TAFA2: variants seen among roughly 807,000 people sequenced by gnomAD.
TAFA2 encodes chemokine-like protein TAFA-2.
TAFA2 carries 7 observed loss-of-function variants against 18.8 expected under a neutral mutation model. The observed-to-expected ratio is 0.37, with a 90% CI of 0.21 to 0.70. TAFA2 has a LOEUF of 0.70. Among genes scored for constraint, TAFA2 ranks in the 30% least tolerant of loss-of-function variants. TAFA2 has a pLI of 0.53. For synonymous variants in TAFA2, 60 were observed against 54.2 expected (o/e 1.11, Z -0.47); for missense variants, 122 against 158.1 (o/e 0.77, Z 1.23).
At chr12:61,928,356 G>T (rs1490926048) in intron 1 of TAFA2, among the ~76,000 whole-genome samples, 1 of 152,152 alleles carries the variant, frequency 6.6e-6, no homozygotes, top group African/African-American at 2.4e-5. Flanking sequence ...GTGGGCAAAA[G>T]ATATGAGCAG....
chr12:61,817,682 C>G (rs1872141500), intron 2 of TAFA2, among the ~76,000 whole-genome samples: 1 of 152,132 alleles, frequency 6.6e-6, no homozygotes, highest in African/African-American at 2.4e-5. Context: ...AATTCTGATG[C>G]AGATTAGTGC....
At chr12:61,937,223 T>C (rs559106042) in intron 1 of TAFA2, among the ~76,000 whole-genome samples, 28 of 152,254 alleles carry the variant, frequency 1.8e-4, no homozygotes, top group African/African-American at 6.7e-4. Context: ...AAAATGACCA[T>C]ACTGTTCAAA....
At chr12:62,165,146 A>C (rs1256204356) in intron 1 of TAFA2, among the ~76,000 whole-genome samples, 1 of 152,132 alleles carries the variant, frequency 6.6e-6, no homozygotes, top group African/African-American at 2.4e-5. Context: ...AAACCTTCTC[A>C]GTGGCTATTC....
chr12:62,113,288 C>T lies in TAFA2; in HGVS notation c.-2+77971G>A, dbSNP rs567470579. On this transcript the variant is annotated intron_variant, in intron 1 of 4. Transcript: ENST00000416284. ...TTTGCTGAAAGTCCACTCCAGACCCCGTTTCCCTGGGTATCACCAGCAGAA... is the reference window on the plus strand; with the variant it reads ...TTTGCTGAAAGTCCACTCCAGACCCTGTTTCCCTGGGTATCACCAGCAGAA... 1.9e-4 allele frequency among the ~76,000 whole-genome samples: 29 copies of T among 152,312 alleles called. No individual in the cohort carries two copies. In the East Asian group the frequency reaches 4.6e-3, roughly 24 times the overall value.
intron 2 of TAFA2, among the ~76,000 whole-genome samples, chr12:61,824,803 T>C (rs991473418): frequency 6.6e-6 from 1 of 152,172 alleles, no homozygotes; most frequent in Non-Finnish European, 1.5e-5. Flanking sequence ...AAATAAGACA[T>C]GGTTACTGCC....
intron 1 of TAFA2, chr12:62,242,403 T>C (rs2062866844): frequency 6.6e-6 from 1 of 152,212 alleles, no homozygotes; most frequent in African/African-American, 2.4e-5. Context: ...GATAGATATT[T>C]GCATAGCCAT....
chr12:62,027,740 G>A (rs569237400), intron 1 of TAFA2, among the ~76,000 whole-genome samples: 1 of 152,208 alleles, frequency 6.6e-6, no homozygotes, highest in East Asian at 1.9e-4. Context: ...CCCTTTTAGA[G>A]ATGAGAAACT....
At chr12:61,942,180 C>T (rs1283341031) in intron 1 of TAFA2, among the ~76,000 whole-genome samples, 7 of 146,846 alleles carry the variant, frequency 4.8e-5, no homozygotes, top group African/African-American at 1.5e-4. Flanking sequence ...GAGGCACCCC[C>T]CAGCAGGGGC....
intron 1 of TAFA2, among the ~76,000 whole-genome samples, chr12:62,154,532 A>G (rs2062354909): frequency 6.6e-6 from 1 of 152,190 alleles, no homozygotes; most frequent in African/African-American, 2.4e-5. Context: ...GGCCACTAAT[A>G]GTGTCTTTGT....
chr12:61,879,940 C>A (rs910505076), intron 1 of TAFA2: 2 of 895,756 alleles, frequency 2.2e-6, no homozygotes, highest in Non-Finnish European at 3.7e-6. Context: ...CTTACAAGAA[C>A]AAGGTAGAGC....
chr12:62,106,131 G>C (rs1309607241), intron 1 of TAFA2, among the ~76,000 whole-genome samples: 1 of 151,958 alleles, frequency 6.6e-6, no homozygotes, highest in Non-Finnish European at 1.5e-5. Context: ...TCAGGAGTTT[G>C]AGACCAGCCT....
chr12:61,937,470 C>T (rs1877816776), intron 1 of TAFA2, among the ~76,000 whole-genome samples: 1 of 151,886 alleles, frequency 6.6e-6, no homozygotes, highest in Admixed American at 6.6e-5. Flanking sequence ...TAGACTAGTG[C>T]AACAGAATAG....
Position 61,955,516 on chromosome 12 carries a change from C to T in TAFA2, c.-1-88090G>A, listed in dbSNP as rs937070735. Reference sequence around the variant, plus strand: ...ACTCAGGAGGCTAAGACAGGAAAATCGCTTGAACCTGGGAGGTGGAGGTTG... The same window carrying T: ...ACTCAGGAGGCTAAGACAGGAAAATTGCTTGAACCTGGGAGGTGGAGGTTG... On this transcript the variant is annotated intron_variant, in intron 1 of 4. Coordinates refer to ENST00000416284, the MANE Select transcript of TAFA2 (RefSeq NM_178539.5). Among the ~76,000 whole-genome samples, 4 of 140,090 alleles carry T rather than the reference C, an allele frequency of 2.9e-5. No homozygotes were observed. In the South Asian group the frequency reaches 7.0e-4, roughly 24 times the overall value. 91.9% of individuals were successfully genotyped at this position (140,090 alleles called of 152,430 possible). A position where few individuals can be genotyped will look rare whatever the true frequency, so the allele number is the denominator to read the frequency against.
intron 1 of TAFA2, among the ~76,000 whole-genome samples, chr12:62,219,779 G>A (rs1345191285): frequency 6.6e-6 from 1 of 152,112 alleles, no homozygotes; most frequent in African/African-American, 2.4e-5. Context: ...ATCTGCAAGT[G>A]TTCCTCTTTC....
At chr12:61,920,494 A>G (rs956334804) in intron 1 of TAFA2, among the ~76,000 whole-genome samples, 1 of 152,196 alleles carries the variant, frequency 6.6e-6, no homozygotes. Flanking sequence ...CCATATATTT[A>G]CCTTCCCACA....
intron 1 of TAFA2, among the ~76,000 whole-genome samples, chr12:61,888,157 T>C (rs1304827807): frequency 6.6e-6 from 1 of 152,132 alleles, no homozygotes; most frequent in East Asian, 1.9e-4. Context: ...TCAACCATTG[T>C]GGAAGTCAAT....
chr12:61,840,304 G>A (rs1873120834), intron 2 of TAFA2, among the ~76,000 whole-genome samples: 1 of 151,918 alleles, frequency 6.6e-6, no homozygotes, highest in Non-Finnish European at 1.5e-5. Context: ...GTATTTCACT[G>A]TGCCTGGATA....
chr12:62,180,478 C>T (rs957230321), intron 1 of TAFA2, among the ~76,000 whole-genome samples: 3 of 152,140 alleles, frequency 2.0e-5, no homozygotes, highest in Admixed American at 2.0e-4. Context: ...CTAATATATA[C>T]AGTTATAATC....
intron 1 of TAFA2, among the ~76,000 whole-genome samples, chr12:62,009,719 T>C (rs1278905086): frequency 2.6e-5 from 4 of 152,214 alleles, no homozygotes; most frequent in African/African-American, 9.6e-5. Context: ...TTCTATTCCT[T>C]GTTTTGCAGA....
Sources: allele counts gnomAD v4.1 joint callset (sites outside exome capture counted in the v4.1 genomes callset), GRCh38; gene constraint gnomAD v4.1.1; transcripts MANE v1.5; gene names NCBI Gene and HGNC (gene_info 2026-07-23, HGNC 2026-07-21).